Variants in HEPACAM2 observed in about 807,000 individuals in gnomAD.
The protein encoded by HEPACAM2 is HEPACAM family member 2, also known as mitotic kinetics regulator.
In HEPACAM2, 49 loss-of-function variants were observed where a neutral mutation model predicts 49.6. The ratio of observed to expected loss-of-function variants is 0.99; its 90% CI spans 0.78 to 1.25. The LOEUF (loss-of-function observed/expected upper bound fraction) is 1.25. HEPACAM2 is among the 50% of genes most tolerant of loss of function. HEPACAM2 has a pLI of 0.00. For missense variants in HEPACAM2, 525 were observed against 557.2 expected (o/e 0.94, Z 0.58); for synonymous variants, 197 against 202.9 (o/e 0.97, Z 0.25).
chr7:93,220,044 G>T (rs1405845965), intron 1 of HEPACAM2, among the ~76,000 whole-genome samples: 1 of 152,146 alleles, frequency 6.6e-6, no homozygotes, highest in African/African-American at 2.4e-5. Flanking sequence ...TTGAGAAACA[G>T]CAAGAGGCAG....
chr7:93,214,919 A>G (rs2374617), intron 3 of HEPACAM2, among the ~76,000 whole-genome samples: 1 of 152,212 alleles, frequency 6.6e-6, no homozygotes, highest in Admixed American at 6.6e-5. Context: ...GTTTAAAGAC[A>G]GGCAGGTAGG....
intron 9 of HEPACAM2, among the ~76,000 whole-genome samples, chr7:93,189,702 A>G (rs556479917): frequency 2.0e-5 from 3 of 152,130 alleles, no homozygotes; most frequent in African/African-American, 7.2e-5. Context: ...CATGAAGTAA[A>G]GAAAATAACA....
upstream of HEPACAM2, among the ~76,000 whole-genome samples, chr7:93,230,547 A>G (rs920857178): frequency 9.9e-5 from 15 of 152,214 alleles, no homozygotes; most frequent in Non-Finnish European, 1.9e-4. Context: ...ACAACCATAG[A>G]TTATTAATCA....
intron 3 of HEPACAM2, among the ~76,000 whole-genome samples, chr7:93,213,896 A>C (rs2116699129): frequency 6.6e-6 from 1 of 152,260 alleles, no homozygotes; most frequent in South Asian, 2.1e-4. Context: ...AGAAGTGTGA[A>C]TAACACCAAC....
chr7:93,209,514 C>T (rs1794122507), intron 3 of HEPACAM2, among the ~76,000 whole-genome samples: 1 of 151,852 alleles, frequency 6.6e-6, no homozygotes, highest in Non-Finnish European at 1.5e-5. Context: ...CCCTCTAGTG[C>T]TATAGAACAC....
At chr7:93,228,345 C>A (rs1466035193), upstream of HEPACAM2, among the ~76,000 whole-genome samples, 1 of 152,166 alleles carries the variant, frequency 6.6e-6, no homozygotes. Context: ...TACTTGTAAT[C>A]TTTTTATTTC....
intron 3 of HEPACAM2, among the ~76,000 whole-genome samples, chr7:93,209,700 T>C (rs1435319200): frequency 6.6e-6 from 1 of 151,980 alleles, no homozygotes; most frequent in Non-Finnish European, 1.5e-5. Context: ...AAATAGTCAT[T>C]GTACTTGAAA....
rs771667605 is a variant in HEPACAM2, at chr7:93,197,606, CA to C, written c.1016del (p.Leu339ArgfsTer14). ...HFTVIITSVG[L>X]EKLAQKGKSL... ...ATTTTCCTTTCTGTGCAAGCTTCTC[CA>C]GTCCTAAATAAAAAGATAAACATAT... On this transcript the variant is annotated frameshift_variant, in exon 5 of 10. Coordinates refer to ENST00000394468, the MANE Select transcript of HEPACAM2 (RefSeq NM_001039372.4). LOFTEE classifies it high-confidence loss of function. The C allele has an allele frequency of 6.4e-7, 1 of 1,572,984 alleles. No individual in the cohort carries two copies. The highest frequency in any genetic ancestry group is 2.3e-5 in the East Asian group (1 of 44,378).
chr7:93,226,395 G>T lies in HEPACAM2; in HGVS notation c.52C>A (p.Gln18Lys). Residue 18 changes from glutamine (Q) to lysine (K), a missense_variant, in exon 1 of 10, where the codon CAG becomes AAG. Gln to Lys is a moderately conservative substitution (Grantham distance 53, BLOSUM62 1). Transcript: ENST00000394468. ...AAGAGAAGGAGGTATATTTTGCACT[G>T]AAAGACCCCAAGTGTGTCACCGAAG... ...EPFGDTLGVFQCKIYLLLFGA... is the reference protein window; with the variant it reads ...EPFGDTLGVFKCKIYLLLFGA... 1 of 1,613,102 alleles carries T rather than the reference G, an allele frequency of 6.2e-7. No homozygotes were observed. Among genetic ancestry groups the T allele is most frequent in the Non-Finnish European group, 8.5e-7 (1 of 1,179,442 alleles).
Position 93,215,649 on chromosome 7 carries a change from G to A in HEPACAM2, c.467C>T (p.Pro156Leu), listed in dbSNP as rs865778058. 11 of 1,613,418 alleles carry A rather than the reference G, an allele frequency of 6.8e-6. No individual in the cohort carries two copies. The African/African-American group carries it at 1.3e-4, about 20-fold the overall frequency. ...VTKPVVQIHP[P>L]SGAVEYVGNM... is the part of the protein sequence containing the mutation. Reference sequence around the variant, plus strand: ...CCCCACATACTCCACAGCCCCAGAGGGAGGATGAATCTGCACCACTGGCTT... The same window carrying A: ...CCCCACATACTCCACAGCCCCAGAGAGAGGATGAATCTGCACCACTGGCTT... Residue 156 changes from proline (P) to leucine (L), a missense_variant, in exon 3 of 10, where the codon CCC (proline) becomes CTC (leucine). By Grantham distance (98) the Pro-to-Leu change is moderately conservative. Transcript: ENST00000394468.
At chr7:93,204,847 C>T (rs2116669708) in intron 4 of HEPACAM2, among the ~76,000 whole-genome samples, 1 of 152,238 alleles carries the variant, frequency 6.6e-6, no homozygotes, top group East Asian at 1.9e-4. Context: ...CGCCTGTAAT[C>T]CCTGCACTTT....
chr7:93,231,469 A>G (rs1330512026), upstream of HEPACAM2, among the ~76,000 whole-genome samples: 1 of 152,220 alleles, frequency 6.6e-6, no homozygotes, highest in Non-Finnish European at 1.5e-5. Flanking sequence ...ATGGGAACCC[A>G]CAGGATTCTT....
chr7:93,190,732 T>C (rs1459646889), intron 9 of HEPACAM2, among the ~76,000 whole-genome samples: 2 of 152,054 alleles, frequency 1.3e-5, no homozygotes, highest in African/African-American at 2.4e-5. Context: ...AGTCAAAAGA[T>C]GTTGCTAGTG....
At chr7:93,226,704 T>G (rs572283705), upstream of HEPACAM2, among the ~76,000 whole-genome samples, 8 of 152,338 alleles carry the variant, frequency 5.3e-5, no homozygotes, top group Non-Finnish European at 1.0e-4. Context: ...TTATACTTAG[T>G]TATTAAAAAA....
In HEPACAM2 at chr7:93,219,196, A is replaced by C. The variant is rs763595000; in HGVS notation, c.335T>G (p.Leu112Arg). 1 of 1,613,988 alleles carries C rather than the reference A, an allele frequency of 6.2e-7. No homozygotes were observed. The highest frequency in any genetic ancestry group is 8.5e-7 in the Non-Finnish European group (1 of 1,179,938). ...PPNASLLINP[L>R]QFPDEGNYIV... ...GTAATTGCCTTCATCAGGGAACTGCAGTGGGTTGATAAGCAGAGATGCATT... is the reference window on the plus strand; with the variant it reads ...GTAATTGCCTTCATCAGGGAACTGCCGTGGGTTGATAAGCAGAGATGCATT... The change falls in exon 2 of 10, where the codon CTG becomes CGG. Residue 112 changes from leucine to arginine, a missense_variant. Physicochemically the swap from Leu to Arg is moderately radical, Grantham distance 102. Transcript: ENST00000394468.
intron 3 of HEPACAM2, among the ~76,000 whole-genome samples, chr7:93,210,515 C>A (rs181327025): frequency 6.6e-6 from 1 of 151,930 alleles, no homozygotes; most frequent in Admixed American, 6.6e-5. Flanking sequence ...AGTACTAGTT[C>A]TACAATCAAT....
chr7:93,192,401 G>T lies in HEPACAM2; in HGVS notation c.1276-38C>A, dbSNP rs746280590. 3.7e-5 allele frequency: 54 copies of T among 1,462,490 alleles called. 2 individuals are homozygous for T. The South Asian group carries it at 5.7e-4, about 15-fold the overall frequency. The allele number at this position is 1,462,490 out of a possible 1,614,324, so 90.6% of individuals were successfully genotyped here. ...ATACATTAAAAATAAATTATCTCAA[G>T]ACTAGTAAATAGTTTTTCCACTATG... On this transcript the variant is annotated intron_variant, in intron 8 of 9. Coordinates refer to ENST00000394468, the MANE Select transcript of HEPACAM2 (RefSeq NM_001039372.4).
chr7:93,191,232 G>A (rs750506796), intron 9 of HEPACAM2, among the ~76,000 whole-genome samples: 7 of 151,454 alleles, frequency 4.6e-5, no homozygotes, highest in Non-Finnish European at 8.8e-5. Context: ...CAAACTAGAA[G>A]TTCCTAACTC....
chr7:93,228,442 TA>T (rs1406486105), upstream of HEPACAM2, among the ~76,000 whole-genome samples: 1 of 147,514 alleles, frequency 6.8e-6, no homozygotes, highest in Non-Finnish European at 1.5e-5. Context: ...TGGTAAACTG[TA>T]GATATAAACT....
Sources: gnomAD v4.1 joint callset for allele counts (sites outside exome capture counted in the v4.1 genomes callset) on GRCh38, gnomAD v4.1.1 for gene constraint, MANE v1.5 for transcripts, NCBI Gene and HGNC (gene_info 2026-07-23, HGNC 2026-07-21) for gene names.